Variants in MESD observed in about 807,000 individuals in gnomAD.
MESD encodes mesoderm development LRP chaperone.
A neutral mutation model predicts 12.9 loss-of-function variants in MESD; 7 were observed. The observed-to-expected ratio is 0.54, with a 90% confidence interval of 0.31 to 1.02. The LOEUF (loss-of-function observed/expected upper bound fraction) is 1.02. MESD is among the 50% of genes least tolerant of loss of function. MESD has a pLI of 0.05. For synonymous variants in MESD, 126 were observed against 115.6 expected (o/e 1.09, Z -0.58); for missense variants, 342 against 296.7 (o/e 1.15, Z -1.12).
At chr15:80,989,273 G>A (rs1209550108) in intron 1 of MESD, among the ~76,000 whole-genome samples, 1 of 152,212 alleles carries the variant, frequency 6.6e-6, no homozygotes, top group Admixed American at 6.5e-5. Flanking sequence ...GACAACCAGG[G>A]CACTGAAGGG....
intron 3 of MESD, among the ~76,000 whole-genome samples, chr15:80,954,199 G>A (rs1475452486): frequency 6.6e-6 from 1 of 152,096 alleles, no homozygotes; most frequent in African/African-American, 2.4e-5. Context: ...CTGGGCCCAG[G>A]GCCCAGTGCC....
intron 1 of MESD, among the ~76,000 whole-genome samples, chr15:80,986,836 T>C (rs1434210196): frequency 6.6e-6 from 1 of 152,232 alleles, no homozygotes; most frequent in African/African-American, 2.4e-5. Context: ...AATCCTCTTC[T>C]TCCTCCCATG....
intron 2 of MESD, among the ~76,000 whole-genome samples, chr15:80,981,464 G>C (rs1398308508): frequency 7.0e-6 from 1 of 143,228 alleles, no homozygotes. Flanking sequence ...AAACAAACTA[G>C]ATAGATAAAT....
downstream of MESD, among the ~76,000 whole-genome samples, chr15:80,972,672 C>T (rs1436914269): frequency 6.6e-6 from 1 of 152,130 alleles, no homozygotes; most frequent in Non-Finnish European, 1.5e-5. Context: ...AGCAAGAGGA[C>T]GGGAATATTA....
At chr15:80,966,132 A>G (rs1037040651) in intron 3 of MESD, among the ~76,000 whole-genome samples, 1 of 152,224 alleles carries the variant, frequency 6.6e-6, no homozygotes, top group African/African-American at 2.4e-5. Context: ...AAAGTTTTTG[A>G]AAGTTAGAAA....
intron 3 of MESD, among the ~76,000 whole-genome samples, chr15:80,954,539 A>C (rs1460248149): frequency 2.0e-4 from 31 of 152,166 alleles, no homozygotes; most frequent in Non-Finnish European, 1.5e-5. Context: ...GTCCACAGGC[A>C]CCTGGCAGTG....
downstream of MESD, among the ~76,000 whole-genome samples, chr15:80,971,197 T>TA (rs1430700954): frequency 4.6e-5 from 7 of 152,202 alleles, no homozygotes; most frequent in Non-Finnish European, 1.0e-4. Flanking sequence ...TTGCCTGCTG[T>TA]AAATGGCTTT....
At chr15:80,988,717 G>C (rs1382340350) in intron 1 of MESD, among the ~76,000 whole-genome samples, 1 of 152,170 alleles carries the variant, frequency 6.6e-6, no homozygotes, top group Non-Finnish European at 1.5e-5. Flanking sequence ...GTGTTGGAAG[G>C]AATCTTAGGA....
At chr15:80,988,891 A>AGCGTATTACAC (rs397807305) in intron 1 of MESD, among the ~76,000 whole-genome samples, 7 of 151,676 alleles carry the variant, frequency 4.6e-5, no homozygotes, top group Non-Finnish European at 8.8e-5. Context: ...TTTACCTTAA[A>AGCGTATTACAC]GCGTATTACA....
chr15:80,950,196 T>C (rs1011940284), intron 4 of MESD: 3 of 152,352 alleles, frequency 2.0e-5, no homozygotes, highest in Admixed American at 6.5e-5. Context: ...GCTGGAAATA[T>C]AGAAAATATC....
At chr15:80,982,243 A>G in intron 1 of MESD, 61 bp from the exon 2 acceptor site, 1 of 1,380,262 alleles carries the variant, frequency 7.2e-7, no homozygotes, top group South Asian at 1.2e-5. Context: ...CAACTGGCAC[A>G]GGCAAAAACT....
intron 3 of MESD, among the ~76,000 whole-genome samples, chr15:80,962,742 T>A (rs2141791763): frequency 6.6e-6 from 1 of 152,220 alleles, no homozygotes; most frequent in South Asian, 2.1e-4. Flanking sequence ...GACTACTGGG[T>A]AAATAATGAA....
intron 3 of MESD, among the ~76,000 whole-genome samples, chr15:80,967,958 G>T (rs1400452917): frequency 6.6e-6 from 1 of 152,214 alleles, no homozygotes; most frequent in East Asian, 1.9e-4. Flanking sequence ...GCAGGCTCAG[G>T]TTTTCCCAGA....
At chr15:80,971,068 G>A (rs1902277700), downstream of MESD, among the ~76,000 whole-genome samples, 1 of 152,190 alleles carries the variant, frequency 6.6e-6, no homozygotes, top group Non-Finnish European at 1.5e-5. Flanking sequence ...AGCAGACACT[G>A]AAAGTCAATG....
In MESD at chr15:80,965,486, A is replaced by G. The variant is rs147628960; in HGVS notation, c.*289-13190T>C. On this transcript the variant is annotated intron_variant, in intron 3 of 4. Coordinates refer to the MESD transcript ENST00000561312. ...CCAAAGGATTATAAATCATGTTGCT[A>G]TAAAGACACATGCACACATATGTTT... 1.3e-3 allele frequency among the ~76,000 whole-genome samples: 196 copies of G among 152,358 alleles called. 1 individual carries two copies. The highest frequency in any genetic ancestry group is 4.4e-3 in the African/African-American group (183 of 41,586).
At chr15:80,958,292 A>G (rs1902024690) in intron 3 of MESD, among the ~76,000 whole-genome samples, 1 of 152,116 alleles carries the variant, frequency 6.6e-6, no homozygotes, top group Non-Finnish European at 1.5e-5. Context: ...TTGCTCTCTC[A>G]TCAATAAAAA....
chr15:80,985,740 CT>C lies in MESD; in HGVS notation c.214-3559del, dbSNP rs201640673. Among the ~76,000 whole-genome samples the C allele has an allele frequency of 8.1e-3, 1,195 of 147,656 alleles. 18 individuals are homozygous for C. The highest frequency in any genetic ancestry group is 0.028 in the African/African-American group (1,122 of 39,716). On this transcript the variant is annotated intron_variant, in intron 1 of 2. Transcript: ENST00000261758. Reference sequence around the variant, plus strand: ...AATCTTGGCTCATTGCAACTTCTGCCTGCCAGGCTCAAGTGATCTTCCTATC... The same window carrying C: ...AATCTTGGCTCATTGCAACTTCTGCCGCCAGGCTCAAGTGATCTTCCTATC...
chr15:80,950,010 T>C (rs1901749452), intron 4 of MESD: 1 of 151,988 alleles, frequency 6.6e-6, no homozygotes, highest in Non-Finnish European at 1.5e-5. Flanking sequence ...TTGCTGCTTA[T>C]GAGCACAGAG....
At chr15:80,975,299 G>T (rs1202395759), downstream of MESD, among the ~76,000 whole-genome samples, 1 of 151,846 alleles carries the variant, frequency 6.6e-6, no homozygotes, top group Non-Finnish European at 1.5e-5. Flanking sequence ...GCAAGAGGAT[G>T]GCTTGAACTC....
Sources: gnomAD v4.1 joint callset for allele counts (sites outside exome capture counted in the v4.1 genomes callset) on GRCh38, gnomAD v4.1.1 for gene constraint, MANE v1.5 for transcripts, NCBI Gene and HGNC (gene_info 2026-07-23, HGNC 2026-07-21) for gene names.